ACBD5: variants seen among roughly 807,000 people sequenced by gnomAD.
ACBD5 encodes the protein acyl-CoA binding domain containing 5, also known as acyl-CoA-binding domain-containing protein 5.
ACBD5 carries 40 observed loss-of-function variants against 71.8 expected under a neutral mutation model. The ratio of observed to expected loss-of-function variants is 0.56; its 90% CI spans 0.43 to 0.72. ACBD5 has a LOEUF of 0.72. Ranked by LOEUF, ACBD5 falls within the 30% of genes least tolerant of loss-of-function variation. The probability of loss-of-function intolerance (pLI) is 0.00; values close to 1 mark genes in which losing one functional copy is unlikely to be tolerated. For synonymous variants in ACBD5, 229 were observed against 218.6 expected (o/e 1.05, Z -0.42); for missense variants, 559 against 644.5 (o/e 0.87, Z 1.44).
At chr10:27,216,276 A>C (rs1271435395) in intron 7 of ACBD5, among the ~76,000 whole-genome samples, 1 of 152,132 alleles carries the variant, frequency 6.6e-6, no homozygotes, top group Non-Finnish European at 1.5e-5. Flanking sequence ...AGTAGCTGGG[A>C]TTACAGGTGC....
intron 4 of ACBD5, among the ~76,000 whole-genome samples, chr10:27,225,907 T>C (rs957980555): frequency 1.3e-5 from 2 of 152,092 alleles, no homozygotes; most frequent in African/African-American, 4.8e-5. Flanking sequence ...AAAAGATCTC[T>C]TTCTTAACTT....
chr10:27,186,593 T>C, intron 13 of ACBD5: 1 of 1,401,052 alleles, frequency 7.1e-7, no homozygotes, highest in Non-Finnish European at 1.0e-6. Flanking sequence ...TGCATAATTA[T>C]ATACTCCTTA....
Position 27,211,084 on chromosome 10 carries a change from A to G in ACBD5, c.937-3T>C, listed in dbSNP as rs766421198. ...TTGGACGTAAAGCTGTCTAAAGACT[A>G]CAAATTAGAAATGACACTTAGTTAA... is the stretch of plus-strand genomic sequence containing the variant. On this transcript the variant is annotated splice_polypyrimidine_tract_variant and splice_region_variant and intron_variant, in intron 8 of 12. Coordinates refer to ENST00000396271, the MANE Select transcript of ACBD5 (RefSeq NM_145698.5). The G allele has an allele frequency of 1.9e-6, 3 of 1,613,968 alleles. No individual in the cohort carries two copies. Among genetic ancestry groups the G allele is most frequent in the Non-Finnish European group, 2.5e-6 (3 of 1,179,890 alleles).
chr10:27,217,837 C>T, intron 7 of ACBD5, 143 bp downstream of exon 7: 1 of 827,602 alleles, frequency 1.2e-6, no homozygotes, highest in Non-Finnish European at 1.9e-6. Flanking sequence ...TTTTTCAAAA[C>T]TATAAATGCT....
In ACBD5 at chr10:27,219,974, T is replaced by TTA. The variant is rs1345587985; in HGVS notation, c.491-119_491-118dup. On this transcript the variant is annotated intron_variant, in intron 5 of 12. Transcript: ENST00000396271. The stretch of plus-strand genomic sequence containing the variant: ...AATAAAATAATTTTGAATTAAAATG[T>TTA]TATATATATAATAGTATTATTTTCT... The TTA allele has an allele frequency of 8.1e-6, 7 of 862,698 alleles. 1 individual carries two copies. The Admixed American group carries it at 1.7e-4, about 21-fold the overall frequency. The allele number at this position is 862,698 out of a possible 1,614,324, so 53.4% of individuals were successfully genotyped here.
At chr10:27,194,272 A>G (rs924978314), downstream of ACBD5, among the ~76,000 whole-genome samples, 6 of 128,836 alleles carry the variant, frequency 4.7e-5, no homozygotes, top group African/African-American at 1.6e-4. Flanking sequence ...AAAAAAAAAA[A>G]CCCTCTCATC....
chr10:27,183,177 T>A (rs1351956602), intron 13 of ACBD5, among the ~76,000 whole-genome samples: 1 of 152,210 alleles, frequency 6.6e-6, no homozygotes, highest in Admixed American at 6.5e-5. Context: ...CTTGGTATAT[T>A]ATATACCACT....
chr10:27,222,127 G>A (rs1480285793), intron 5 of ACBD5, among the ~76,000 whole-genome samples: 2 of 151,838 alleles, frequency 1.3e-5, no homozygotes, highest in African/African-American at 2.4e-5. Context: ...TTTCAGCACA[G>A]GAAGATTACT....
chr10:27,190,568 C>A (rs1046567073), downstream of ACBD5, among the ~76,000 whole-genome samples: 1 of 152,194 alleles, frequency 6.6e-6, no homozygotes, highest in Non-Finnish European at 1.5e-5. Flanking sequence ...ACATTCGGGT[C>A]TAATTCCTCT....
intron 8 of ACBD5, among the ~76,000 whole-genome samples, chr10:27,213,015 A>T (rs888886845): frequency 4.6e-5 from 7 of 152,224 alleles, no homozygotes; most frequent in Non-Finnish European, 1.5e-5. Context: ...ATTTTCTATA[A>T]GACACACTGA....
chr10:27,206,373 C>T (rs2060469434), intron 10 of ACBD5, among the ~76,000 whole-genome samples: 1 of 151,254 alleles, frequency 6.6e-6, no homozygotes, highest in African/African-American at 2.4e-5. Context: ...CCCAAGCACT[C>T]TGGGAGGCTG....
intron 10 of ACBD5, among the ~76,000 whole-genome samples, chr10:27,207,359 T>G (rs1259465494): frequency 6.6e-6 from 1 of 152,032 alleles, no homozygotes; most frequent in Non-Finnish European, 1.5e-5. Flanking sequence ...TTTAAAAACA[T>G]GATAGCTTGA....
At chr10:27,238,516 G>T (rs2065049861) in intron 2 of ACBD5, among the ~76,000 whole-genome samples, 1 of 151,982 alleles carries the variant, frequency 6.6e-6, no homozygotes, top group Non-Finnish European at 1.5e-5. Context: ...AATAATTAGG[G>T]ACTTAAAAAA....
At chr10:27,217,035 A>C (rs2061707595) in intron 7 of ACBD5, among the ~76,000 whole-genome samples, 1 of 150,006 alleles carries the variant, frequency 6.7e-6, no homozygotes, top group Admixed American at 6.7e-5. Context: ...AGTCCCAGCT[A>C]CTCGGGAGGC....
chr10:27,219,177 C>G (rs2062019566), intron 6 of ACBD5, among the ~76,000 whole-genome samples: 1 of 151,992 alleles, frequency 6.6e-6, no homozygotes, highest in South Asian at 2.1e-4. Flanking sequence ...TGGTGCATGC[C>G]TGTAATCCCA....
intron 4 of ACBD5, 77 bp from the exon 5 acceptor site, chr10:27,223,529 T>C: frequency 2.8e-6 from 3 of 1,055,468 alleles, no homozygotes; most frequent in Non-Finnish European, 2.9e-6. Flanking sequence ...TAATCTCCTA[T>C]TTCCAATTTG....
intron 13 of ACBD5, among the ~76,000 whole-genome samples, chr10:27,184,749 C>T (rs963190022): frequency 4.0e-5 from 6 of 151,364 alleles, no homozygotes; most frequent in East Asian, 1.9e-4. Flanking sequence ...TTAGTAGAGA[C>T]GGGGTTTCAC....
At chr10:27,184,463 T>G (rs2058522246) in intron 13 of ACBD5, among the ~76,000 whole-genome samples, 1 of 152,060 alleles carries the variant, frequency 6.6e-6, no homozygotes, top group African/African-American at 2.4e-5. Flanking sequence ...TACTGAGTCC[T>G]TGTAGTATTA....
intron 12 of ACBD5, among the ~76,000 whole-genome samples, chr10:27,202,246 C>G (rs74575298): frequency 0.016 from 2,376 of 152,304 alleles, 115 homozygotes; most frequent in South Asian, 0.14. Context: ...TCAAATATGG[C>G]CCTACTTCCA....
Sources: gnomAD v4.1 joint callset for allele counts (sites outside exome capture counted in the v4.1 genomes callset) on GRCh38, gnomAD v4.1.1 for gene constraint, MANE v1.5 for transcripts, NCBI Gene and HGNC (gene_info 2026-07-23, HGNC 2026-07-21) for gene names.